Variants in GPR158 observed in about 807,000 individuals in gnomAD.
GPR158 encodes the protein G protein-coupled receptor 158, also known as metabotropic glycine receptor.
Under a neutral mutation model 78.2 loss-of-function variants are expected in GPR158, and 30 were observed. That is an observed-to-expected ratio of 0.38 (90% CI 0.29 to 0.52). GPR158 has a LOEUF of 0.52. GPR158 is among the 20% of genes least tolerant of loss of function. GPR158 has a pLI of 0.83. For missense variants in GPR158, 1,463 were observed against 1,523.5 expected (o/e 0.96, Z 0.66); for synonymous variants, 581 against 591.1 (o/e 0.98, Z 0.25).
intron 2 of GPR158, among the ~76,000 whole-genome samples, chr10:25,294,012 G>A (rs1400833339): frequency 5.9e-5 from 9 of 152,044 alleles, no homozygotes; most frequent in Non-Finnish European, 1.0e-4. Flanking sequence ...CCCAAAGTGC[G>A]GGATTACAGG....
At chr10:25,378,572 C>A (rs1834115901) in intron 2 of GPR158, among the ~76,000 whole-genome samples, 1 of 151,192 alleles carries the variant, frequency 6.6e-6, no homozygotes, top group Non-Finnish European at 1.5e-5. Flanking sequence ...TACAGTATTT[C>A]TTTTTTTATT....
intron 2 of GPR158, among the ~76,000 whole-genome samples, chr10:25,227,244 C>T (rs1486890387): frequency 6.6e-6 from 1 of 152,174 alleles, no homozygotes; most frequent in Admixed American, 6.5e-5. Context: ...ATGTTCCCAG[C>T]AACTGAGCCA....
intron 2 of GPR158, among the ~76,000 whole-genome samples, chr10:25,345,185 G>A (rs1232280326): frequency 6.6e-6 from 1 of 151,910 alleles, no homozygotes; most frequent in African/African-American, 2.4e-5. Context: ...TTCCCTCAAT[G>A]GTCTTGTCCG....
intron 5 of GPR158, among the ~76,000 whole-genome samples, chr10:25,516,683 G>T (rs1317763754): frequency 9.1e-6 from 1 of 110,472 alleles, no homozygotes; most frequent in African/African-American, 3.9e-5. Flanking sequence ...ATAGTTGTAG[G>T]TATGCGGCGT....
chr10:25,207,791 G>T (rs1202164934), intron 1 of GPR158, among the ~76,000 whole-genome samples: 1 of 152,140 alleles, frequency 6.6e-6, no homozygotes, highest in East Asian at 1.9e-4. Context: ...GAATCATAAA[G>T]GTATAGCTGG....
intron 2 of GPR158, among the ~76,000 whole-genome samples, chr10:25,304,670 C>G (rs544938821): frequency 6.6e-6 from 1 of 151,992 alleles, no homozygotes; most frequent in Admixed American, 6.6e-5. Context: ...ATTCTGCAAA[C>G]GATTTTCCAC....
intron 2 of GPR158, among the ~76,000 whole-genome samples, chr10:25,288,797 T>G (rs1384095005): frequency 6.6e-6 from 1 of 152,220 alleles, no homozygotes; most frequent in Non-Finnish European, 1.5e-5. Flanking sequence ...TTTGTTCTGC[T>G]AAGCTTTAAA....
At chr10:25,310,153 G>T (rs1287468909) in intron 2 of GPR158, among the ~76,000 whole-genome samples, 1 of 152,144 alleles carries the variant, frequency 6.6e-6, no homozygotes, top group Admixed American at 6.6e-5. Flanking sequence ...TTGTTGAAAA[G>T]ACTGTCCTTT....
At chr10:25,257,851 C>A (rs1010187349) in intron 2 of GPR158, among the ~76,000 whole-genome samples, 4 of 152,070 alleles carry the variant, frequency 2.6e-5, no homozygotes, top group Admixed American at 2.6e-4. Flanking sequence ...AGTTTCTTGG[C>A]CTTGCAACAG....
In GPR158 at chr10:25,598,934, A is replaced by G. The variant is rs1837453295; in HGVS notation, c.3308A>G (p.Asn1103Ser). The change falls in exon 11 of 11, where the codon AAC becomes AGC. Residue 1103 changes from asparagine (N) to serine (S), a missense_variant. Physicochemically the swap from Asn to Ser is conservative, Grantham distance 46. Coordinates refer to ENST00000376351, the MANE Select transcript of GPR158 (RefSeq NM_020752.3). Reference protein sequence around the residue: ...PVLPERAKEENGGQPRAANVC... With the variant: ...PVLPERAKEESGGQPRAANVC... Reference sequence around the variant, plus strand: ...CTCCCAGAGAGGGCAAAAGAGGAGAACGGAGGTCAGCCTCGTGCAGCCAAT... The same window carrying G: ...CTCCCAGAGAGGGCAAAAGAGGAGAGCGGAGGTCAGCCTCGTGCAGCCAAT... 2 of 1,614,134 alleles carry G rather than the reference A, an allele frequency of 1.2e-6. No individual in the cohort carries two copies. Among genetic ancestry groups the G allele is most frequent in the Non-Finnish European group, 1.7e-6 (2 of 1,180,012 alleles).
chr10:25,471,606 T>C (rs1053540490), intron 5 of GPR158, among the ~76,000 whole-genome samples: 6 of 152,172 alleles, frequency 3.9e-5, no homozygotes, highest in Admixed American at 6.5e-5. Flanking sequence ...TATTTCTCCA[T>C]ATCCTTTCCA....
intron 2 of GPR158, among the ~76,000 whole-genome samples, chr10:25,314,281 A>T (rs1339603756): frequency 6.6e-6 from 1 of 151,914 alleles, no homozygotes; most frequent in Non-Finnish European, 1.5e-5. Flanking sequence ...TTGTATTTTT[A>T]ATAGAGACGG....
intron 2 of GPR158, among the ~76,000 whole-genome samples, chr10:25,302,474 A>T (rs1854613575): frequency 6.6e-6 from 1 of 150,886 alleles, no homozygotes; most frequent in African/African-American, 2.4e-5. Flanking sequence ...CAGCCTTGAA[A>T]CTCTGTCTTC....
At chr10:25,270,509 T>G (rs1712569335) in intron 2 of GPR158, among the ~76,000 whole-genome samples, 3 of 152,108 alleles carry the variant, frequency 2.0e-5, no homozygotes, top group Non-Finnish European at 2.9e-5. Flanking sequence ...AGCTACAAAC[T>G]GTCTACTTTT....
At chr10:25,196,226 C>T (rs1230230402) in intron 1 of GPR158, among the ~76,000 whole-genome samples, 2 of 150,648 alleles carry the variant, frequency 1.3e-5, no homozygotes, top group Non-Finnish European at 3.0e-5. Context: ...TCATTTTCTC[C>T]TTTAAAAAAA....
At chr10:25,567,240 T>C (rs1422131463) in intron 6 of GPR158, among the ~76,000 whole-genome samples, 2 of 152,196 alleles carry the variant, frequency 1.3e-5, no homozygotes, top group African/African-American at 4.8e-5. Flanking sequence ...GTCATCGGCA[T>C]AATAAAAACG....
At chr10:25,498,908 T>A (rs1269511433) in intron 5 of GPR158, among the ~76,000 whole-genome samples, 2 of 152,110 alleles carry the variant, frequency 1.3e-5, no homozygotes, top group East Asian at 3.9e-4. Flanking sequence ...TGGAGCGCAA[T>A]GACTCATTTG....
chr10:25,297,539 T>G (rs1005900247), intron 2 of GPR158, among the ~76,000 whole-genome samples: 1 of 152,176 alleles, frequency 6.6e-6, no homozygotes, highest in African/African-American at 2.4e-5. Flanking sequence ...CCTCAGTACA[T>G]GGCAGAAGGC....
intron 2 of GPR158, among the ~76,000 whole-genome samples, chr10:25,228,372 C>G (rs980473951): frequency 6.6e-6 from 1 of 151,888 alleles, no homozygotes; most frequent in Non-Finnish European, 1.5e-5. Context: ...GACTACTTAT[C>G]ACAGTATTAC....
Sources: allele counts gnomAD v4.1 joint callset (sites outside exome capture counted in the v4.1 genomes callset), GRCh38; gene constraint gnomAD v4.1.1; transcripts MANE v1.5; gene names NCBI Gene and HGNC (gene_info 2026-07-23, HGNC 2026-07-21).